SYNE2: variants seen among roughly 807,000 people sequenced by gnomAD.
SYNE2 encodes the protein nesprin-2.
SYNE2 carries 431 observed loss-of-function variants against 856.3 expected under a neutral mutation model. That is an observed-to-expected ratio of 0.50 (90% confidence interval 0.47 to 0.55). SYNE2 has a LOEUF of 0.55. SYNE2 is among the 20% of genes least tolerant of loss of function. The pLI, the probability that SYNE2 is intolerant of heterozygous loss-of-function variation, is 0.00. For missense variants in SYNE2, 8,129 were observed against 8,023.2 expected (o/e 1.01, Z -0.50); for synonymous variants, 2,923 against 2,872.3 (o/e 1.02, Z -0.56).
At chr14:63,911,904 T>C (rs1301607725) in intron 2 of SYNE2, among the ~76,000 whole-genome samples, 1 of 152,208 alleles carries the variant, frequency 6.6e-6, no homozygotes, top group Non-Finnish European at 1.5e-5. Flanking sequence ...GGTTATACAA[T>C]CTGTTTTACA....
At chr14:64,068,459 T>G (rs900767069) in intron 51 of SYNE2, among the ~76,000 whole-genome samples, 1 of 152,188 alleles carries the variant, frequency 6.6e-6, no homozygotes, top group Non-Finnish European at 1.5e-5. Flanking sequence ...GTATTAGTAG[T>G]TCATTTCTCT....
chr14:63,896,258 G>C (rs1363138386), intron 1 of SYNE2, among the ~76,000 whole-genome samples: 1 of 152,232 alleles, frequency 6.6e-6, no homozygotes, highest in Non-Finnish European at 1.5e-5. Context: ...TTTATGGGCT[G>C]TGTACTCCCG....
rs929115726 is a variant in SYNE2 at position 64,009,907 on chromosome 14, A to G, written c.4578-59A>G. 2.0e-6 allele frequency: 3 copies of G among 1,478,268 alleles called. No individual in the cohort carries two copies. The African/African-American group carries it at 4.2e-5, about 21-fold the overall frequency. The allele number at this position is 1,478,268 out of a possible 1,614,324, so 91.6% of individuals were successfully genotyped here. Reference sequence around the variant, plus strand: ...TCATTTATGTGGGATACTTGCAAAGAGAAAGAACGGTTTTGCTATTTTTGG... The same window carrying G: ...TCATTTATGTGGGATACTTGCAAAGGGAAAGAACGGTTTTGCTATTTTTGG... On this transcript the variant is annotated intron_variant, in intron 31 of 115. Transcript: ENST00000555002.
intron 49 of SYNE2, among the ~76,000 whole-genome samples, chr14:64,060,572 G>A (rs542991505): frequency 4.6e-5 from 7 of 152,208 alleles, no homozygotes; most frequent in African/African-American, 1.7e-4. Context: ...GAAAGAAGGG[G>A]TCTCTTTTGG....
chr14:64,107,629 G>A (rs2097779996), intron 65 of SYNE2, 22 bp downstream of exon 65: 1 of 1,580,564 alleles, frequency 6.3e-7, no homozygotes. Context: ...TTGGTAATAA[G>A]TAAACTGCTC....
intron 1 of SYNE2, among the ~76,000 whole-genome samples, chr14:63,775,195 C>G (rs1887065142): frequency 6.6e-6 from 1 of 151,800 alleles, no homozygotes; most frequent in Non-Finnish European, 1.5e-5. Context: ...TGGCTGGACT[C>G]AAACTCCTGA....
At chr14:63,843,277 TC>T (rs1171546959) in intron 1 of SYNE2, among the ~76,000 whole-genome samples, 1 of 151,922 alleles carries the variant, frequency 6.6e-6, no homozygotes, top group Non-Finnish European at 1.5e-5. Context: ...GGTCTCAAAC[TC>T]CAAGCGATCC....
intron 7 of SYNE2, among the ~76,000 whole-genome samples, chr14:63,950,658 C>A (rs2096138470): frequency 1.3e-5 from 2 of 152,098 alleles, no homozygotes; most frequent in African/African-American, 2.4e-5. Context: ...GCACAGAGAC[C>A]AGACAGTATG....
Position 64,113,502 on chromosome 14 carries a change from G to C in SYNE2, c.12771G>C (p.Val4257=). The C allele has an allele frequency of 6.2e-7, 1 of 1,614,104 alleles. No homozygotes were observed. ...ELELWLQQAN[V]AVEPETLNAD... is the part of the protein sequence containing the mutation. Reference sequence around the variant, plus strand: ...AGCTGTGGCTGCAACAAGCCAACGTGGCAGTTGAGCCGGAAACATTAAACG... The same window carrying C: ...AGCTGTGGCTGCAACAAGCCAACGTCGCAGTTGAGCCGGAAACATTAAACG... Residue 4257 remains valine, a synonymous_variant, in exon 66 of 116, where the codon GTG becomes GTC. Coordinates refer to ENST00000555002, the MANE Select transcript of SYNE2 (RefSeq NM_182914.3).
chr14:64,001,273 G>C (rs971745748), intron 28 of SYNE2, among the ~76,000 whole-genome samples: 6 of 152,130 alleles, frequency 3.9e-5, no homozygotes, highest in Non-Finnish European at 5.9e-5. Context: ...AAATAATTAT[G>C]AGGTTTCTTA....
intron 2 of SYNE2, among the ~76,000 whole-genome samples, chr14:63,931,923 C>G (rs568021296): frequency 2.6e-4 from 39 of 152,280 alleles, no homozygotes; most frequent in Non-Finnish European, 4.7e-4. Context: ...ATGCCTGGCT[C>G]TAAGATTAGC....
At chr14:63,805,793 G>C (rs117951874) in intron 1 of SYNE2, among the ~76,000 whole-genome samples, 2,706 of 152,262 alleles carry the variant, frequency 0.018, 43 homozygotes, top group Middle Eastern at 0.041. Flanking sequence ...GACGTTGTTT[G>C]TATATAGAAA....
At chr14:64,044,267 A>T (rs928961370) in intron 45 of SYNE2, among the ~76,000 whole-genome samples, 1 of 152,110 alleles carries the variant, frequency 6.6e-6, no homozygotes, top group Non-Finnish European at 1.5e-5. Flanking sequence ...TGACTGCCAC[A>T]CTTAATTTCA....
At chr14:64,204,471 GTTGA>G (rs2098595775) in intron 100 of SYNE2, 1 of 152,218 alleles carries the variant, frequency 6.6e-6, no homozygotes, top group African/African-American at 2.4e-5. Flanking sequence ...TGCAGGGGCT[GTTGA>G]TTGTGTGTTA....
At chr14:63,983,979 T>C (rs1594660838) in intron 18 of SYNE2, 93 bp downstream of exon 18, 1 of 930,022 alleles carries the variant, frequency 1.1e-6, no homozygotes, top group Non-Finnish European at 1.6e-6. Context: ...CGGTGGCTCA[T>C]GCCTGTAATC....
chr14:63,910,492 C>T (rs1359702791), intron 2 of SYNE2, among the ~76,000 whole-genome samples: 1 of 152,104 alleles, frequency 6.6e-6, no homozygotes, highest in Non-Finnish European at 1.5e-5. Flanking sequence ...TTAAAATTTT[C>T]AGTAAGGACT....
At position 63,941,778 on chromosome 14, in the gene SYNE2, TG is replaced by T. The variant is rs1333335955; in HGVS notation, c.228del (p.Gln77AsnfsTer18). On this transcript the variant is annotated frameshift_variant, in exon 4 of 116. Coordinates refer to ENST00000555002, the MANE Select transcript of SYNE2 (RefSeq NM_182914.3). LOFTEE classifies it high-confidence loss of function. ...TCCTGGATCTGCTAGAAGTACTTTC[TG>T]GGCAACAGTTGGTAAGATTTTTAAA... ...VLLDLLEVLS[G>X]QQLPRDKGSN... 1 of 1,614,102 alleles carries T rather than the reference TG, an allele frequency of 6.2e-7. No individual in the cohort carries two copies. The highest frequency in any genetic ancestry group is 1.1e-5 in the South Asian group (1 of 91,086).
chr14:63,827,710 AAGAAAGC>A (rs1889506881), intron 1 of SYNE2, among the ~76,000 whole-genome samples: 1 of 151,216 alleles, frequency 6.6e-6, no homozygotes, highest in Non-Finnish European at 1.5e-5. Flanking sequence ...TTTTACAGCA[AAGAAAGC>A]AGCAAAAGTT....
intron 1 of SYNE2, among the ~76,000 whole-genome samples, chr14:63,879,074 A>G (rs1409722999): frequency 1.3e-5 from 2 of 152,052 alleles, no homozygotes; most frequent in Non-Finnish European, 2.9e-5. Flanking sequence ...GTGTGCTGGT[A>G]TGTGCTAAGG....
Sources: allele counts gnomAD v4.1 joint callset (sites outside exome capture counted in the v4.1 genomes callset), GRCh38; gene constraint gnomAD v4.1.1; transcripts MANE v1.5; gene names NCBI Gene and HGNC (gene_info 2026-07-23, HGNC 2026-07-21).